KIF26B: variants seen among roughly 807,000 people sequenced by gnomAD.
KIF26B encodes kinesin-like protein KIF26B.
A neutral mutation model predicts 151.2 loss-of-function variants in KIF26B; 63 were observed. The observed-to-expected ratio is 0.42, with a 90% CI of 0.34 to 0.51. The LOEUF (loss-of-function observed/expected upper bound fraction) is 0.51. Among genes scored for constraint, KIF26B ranks in the 20% least tolerant of loss-of-function variants. The pLI, the probability that KIF26B is intolerant of heterozygous loss-of-function variation, is 0.07. For synonymous variants in KIF26B, 1,357 were observed against 1,262.1 expected (o/e 1.08, Z -1.59); for missense variants, 2,813 against 2,913.6 (o/e 0.97, Z 0.79).
At chr1:245,573,130 A>G (rs1181157083) in intron 5 of KIF26B, among the ~76,000 whole-genome samples, 1 of 152,216 alleles carries the variant, frequency 6.6e-6, no homozygotes, top group South Asian at 2.1e-4. Context: ...CATTGTCCCC[A>G]AGAGGGTTAC....
intron 5 of KIF26B, among the ~76,000 whole-genome samples, chr1:245,547,677 A>G (rs1237361425): frequency 6.6e-6 from 1 of 151,808 alleles, no homozygotes; most frequent in Non-Finnish European, 1.5e-5. Context: ...TGTGGATATC[A>G]TTTTCTGTTG....
intron 2 of KIF26B, among the ~76,000 whole-genome samples, chr1:245,229,125 T>C (rs539821022): frequency 1.2e-4 from 19 of 152,006 alleles, no homozygotes; most frequent in Admixed American, 2.0e-4. Context: ...TGCCACGATA[T>C]CTGGCTAATT....
At chr1:245,566,624 G>A (rs1267519008) in intron 5 of KIF26B, among the ~76,000 whole-genome samples, 1 of 152,214 alleles carries the variant, frequency 6.6e-6, no homozygotes, top group Non-Finnish European at 1.5e-5. Context: ...AGCGCAACAT[G>A]TTGATTTTTA....
intron 2 of KIF26B, among the ~76,000 whole-genome samples, chr1:245,158,838 TTGTGTGTG>T (rs10656316): frequency 6.7e-6 from 1 of 148,936 alleles, no homozygotes; most frequent in African/African-American, 2.5e-5. Context: ...TGAATAATAA[TTGTGTGTG>T]TGTGTGTGTG....
rs12409851 is a variant in KIF26B at position 245,155,386 on chromosome 1, C to T, written c.-39C>T. 0.4 allele frequency: 621,098 copies of T among 1,546,904 alleles called. 127,658 individuals are homozygous for T. Among genetic ancestry groups the T allele is most frequent in the East Asian group, 0.55 (23,967 of 43,372 alleles). ...TTGGAGGACCTTCTGGATGTAGCGTCGGTGGAACCTTTAGATACTCTCCTC... is the reference window on the plus strand; with the variant it reads ...TTGGAGGACCTTCTGGATGTAGCGTTGGTGGAACCTTTAGATACTCTCCTC... On this transcript the variant is annotated 5_prime_UTR_variant, in exon 1 of 15. Coordinates refer to ENST00000407071, the MANE Select transcript of KIF26B (RefSeq NM_018012.4).
At chr1:245,233,426 G>C (rs1419368208) in intron 2 of KIF26B, among the ~76,000 whole-genome samples, 2 of 152,132 alleles carry the variant, frequency 1.3e-5, no homozygotes, top group African/African-American at 4.8e-5. Flanking sequence ...GCTACTCAAA[G>C]CGTGACCTGA....
intron 2 of KIF26B, among the ~76,000 whole-genome samples, chr1:245,301,051 G>A (rs1193238592): frequency 5.3e-5 from 8 of 151,784 alleles, no homozygotes; most frequent in Non-Finnish European, 8.8e-5. Context: ...GGCTGGTCTC[G>A]AACTCCTGAT....
intron 4 of KIF26B, among the ~76,000 whole-genome samples, chr1:245,530,214 C>T (rs1184991652): frequency 6.6e-6 from 1 of 152,084 alleles, no homozygotes; most frequent in Non-Finnish European, 1.5e-5. Flanking sequence ...GAAAAGGGAA[C>T]CCTCATACAC....
chr1:245,306,949 G>C (rs1195952322), intron 2 of KIF26B, among the ~76,000 whole-genome samples: 1 of 152,146 alleles, frequency 6.6e-6, no homozygotes, highest in African/African-American at 2.4e-5. Flanking sequence ...TGAATGGGTT[G>C]TGAAATTATT....
chr1:245,465,347 A>G (rs1337206729), intron 4 of KIF26B, among the ~76,000 whole-genome samples: 1 of 151,860 alleles, frequency 6.6e-6, no homozygotes, highest in Non-Finnish European at 1.5e-5. Context: ...CCTGGGTGAG[A>G]GATGAGGGAG....
intron 5 of KIF26B, among the ~76,000 whole-genome samples, chr1:245,587,903 A>C (rs1253493277): frequency 6.6e-6 from 1 of 152,228 alleles, no homozygotes. Context: ...TTTGGCAAGC[A>C]GCAGCTGCAA....
intron 10 of KIF26B, among the ~76,000 whole-genome samples, chr1:245,677,042 C>T (rs1381015128): frequency 1.3e-5 from 2 of 152,224 alleles, no homozygotes; most frequent in Non-Finnish European, 2.9e-5. Context: ...CAGGGTTCTA[C>T]AGTGTTTCAT....
intron 2 of KIF26B, among the ~76,000 whole-genome samples, chr1:245,256,782 C>G (rs184098680): frequency 1.7e-4 from 26 of 152,274 alleles, no homozygotes; most frequent in Non-Finnish European, 5.9e-5. Flanking sequence ...AAAGCGGACT[C>G]TTTGTAGCAA....
chr1:245,574,171 G>C (rs959215938), intron 5 of KIF26B, among the ~76,000 whole-genome samples: 6 of 152,084 alleles, frequency 3.9e-5, no homozygotes, highest in Non-Finnish European at 8.8e-5. Context: ...TTGAGATGGA[G>C]TCTCGCTCTG....
rs2042973058 is a variant in KIF26B at position 245,563,214 on chromosome 1, A to G, written c.1350+22264A>G. Among the ~76,000 whole-genome samples the G allele has an allele frequency of 6.6e-6, 1 of 152,160 alleles. No homozygotes were observed. The highest frequency in any genetic ancestry group is 2.4e-5 in the African/African-American group (1 of 41,436). On this transcript the variant is annotated intron_variant, in intron 5 of 14. Transcript: ENST00000407071. This position sits in a 1 kb window ranked among gnomAD's most constrained non-coding sequence, Gnocchi z 4.6. ...TCAGTGTCTCTTCCCAAAGACCCCCACTGAACCCATCAGATGTAAAATCCC... is the reference window on the plus strand; with the variant it reads ...TCAGTGTCTCTTCCCAAAGACCCCCGCTGAACCCATCAGATGTAAAATCCC...
intron 9 of KIF26B, among the ~76,000 whole-genome samples, chr1:245,629,696 T>C (rs1040191723): frequency 2.0e-5 from 3 of 152,102 alleles, no homozygotes; most frequent in African/African-American, 4.8e-5. Flanking sequence ...AAAGACTTCA[T>C]GAAGAAAACA....
intron 10 of KIF26B, among the ~76,000 whole-genome samples, chr1:245,674,369 A>G (rs2044331588): frequency 6.6e-6 from 1 of 152,250 alleles, no homozygotes. Context: ...AAATTGCAGT[A>G]ATGATATAAA....
intron 3 of KIF26B, among the ~76,000 whole-genome samples, chr1:245,409,550 G>A (rs548594820): frequency 6.6e-6 from 1 of 152,208 alleles, no homozygotes; most frequent in Non-Finnish European, 1.5e-5. Flanking sequence ...TAGGCCCTGC[G>A]TATCGCCAGT....
chr1:245,520,844 A>G (rs1016272099), intron 4 of KIF26B, among the ~76,000 whole-genome samples: 4 of 152,174 alleles, frequency 2.6e-5, no homozygotes, highest in Non-Finnish European at 5.9e-5. Flanking sequence ...CTTAGGGAAC[A>G]TTGTAGGATG....
Sources: allele counts gnomAD v4.1 joint callset (sites outside exome capture counted in the v4.1 genomes callset), GRCh38; gene constraint gnomAD v4.1.1; non-coding constraint Gnocchi (gnomAD v3.1); transcripts MANE v1.5; gene names NCBI Gene and HGNC (gene_info 2026-07-23, HGNC 2026-07-21).